Variants in CELF2 observed in about 807,000 individuals in gnomAD.
The protein encoded by CELF2 is CUGBP Elav-like family member 2, also known as CUG triplet repeat RNA-binding protein 2.
Under a neutral mutation model 62.6 loss-of-function variants are expected in CELF2, and 8 were observed. The ratio of observed to expected loss-of-function variants is 0.13; its 90% confidence interval spans 0.07 to 0.23. The LOEUF (loss-of-function observed/expected upper bound fraction) is 0.23, where lower values mean the gene tolerates loss of function less well. CELF2 is among the 10% of genes least tolerant of loss of function. The pLI, the probability that CELF2 is intolerant of heterozygous loss-of-function variation, is 1.00. For missense variants in CELF2, 333 were observed against 671.0 expected, an observed-to-expected ratio of 0.50 and a Z score of 5.56; for synonymous variants, 258 against 250.0, an observed-to-expected ratio of 1.03 and a Z score of -0.30.
At chr10:10,648,864 T>C in the CELF2 span, among the ~76,000 whole-genome samples, 1 of 152,182 alleles carries the variant, frequency 6.6e-6, no homozygotes, top group Admixed American at 6.5e-5. Flanking sequence ...TATAGCTGCA[T>C]TCCATTGGGT....
the CELF2 span, among the ~76,000 whole-genome samples, chr10:10,670,764 C>T: frequency 0.26 from 38,954 of 152,076 alleles, 5,291 homozygotes; most frequent in South Asian, 0.43. Flanking sequence ...CCCCTCTAAC[C>T]CTTGACAACC....
At chr10:10,859,872 T>C (rs2059954775) in intron 1 of CELF2, among the ~76,000 whole-genome samples, 1 of 152,190 alleles carries the variant, frequency 6.6e-6, no homozygotes, top group Non-Finnish European at 1.5e-5. Context: ...GATAAATTCC[T>C]AGCCTGGCAG....
At chr10:11,053,903 C>T (rs550285048) in intron 1 of CELF2, among the ~76,000 whole-genome samples, 34 of 152,124 alleles carry the variant, frequency 2.2e-4, no homozygotes, top group South Asian at 4.1e-4. Flanking sequence ...TGTGAGCCAC[C>T]GCACCCGGCC....
chr10:10,644,141 C>T, the CELF2 span, among the ~76,000 whole-genome samples: 1 of 152,188 alleles, frequency 6.6e-6, no homozygotes, highest in African/African-American at 2.4e-5. Flanking sequence ...TCTTTACAGA[C>T]TCATGTCTCC....
chr10:10,663,347 C>T, the CELF2 span, among the ~76,000 whole-genome samples: 1 of 152,244 alleles, frequency 6.6e-6, no homozygotes, highest in East Asian at 1.9e-4. Context: ...CAATTCCTCC[C>T]TAGTTTCCCC....
chr10:10,495,059 G>A, the CELF2 span, among the ~76,000 whole-genome samples: 1 of 152,082 alleles, frequency 6.6e-6, no homozygotes. Context: ...GGCAGATCAT[G>A]AGGTCAGGAG....
In CELF2 at chr10:11,165,726, T is replaced by C; in HGVS notation, c.271+44T>C. 1 of 1,551,734 alleles carries C rather than the reference T, an allele frequency of 6.4e-7. No individual in the cohort carries two copies. Among genetic ancestry groups the C allele is most frequent in the Non-Finnish European group, 8.7e-7 (1 of 1,146,654 alleles). ...GGGTCGCCAGGCGTCCAGGTGGGCG[T>C]CGCGGGGCACTGGGGCTGTCCGAGC... On this transcript the variant is annotated intron_variant, in intron 2 of 12. Transcript: ENST00000633077. The surrounding 1 kb of genome is among the most constrained non-coding windows in gnomAD (Gnocchi z 7.4).
At chr10:11,085,890 A>G (rs532768278) in intron 1 of CELF2, among the ~76,000 whole-genome samples, 1 of 151,944 alleles carries the variant, frequency 6.6e-6, no homozygotes, top group African/African-American at 2.4e-5. Flanking sequence ...CCAGACCTTC[A>G]CAATAATCCA....
the CELF2 span, among the ~76,000 whole-genome samples, chr10:10,517,229 G>T: frequency 0.011 from 1,729 of 152,224 alleles, 23 homozygotes; most frequent in African/African-American, 0.039. Context: ...GCTTGAGGGG[G>T]ACTCAACTTC....
At chr10:10,971,931 A>T (rs995733275) in intron 2 of CELF2, among the ~76,000 whole-genome samples, 2 of 152,056 alleles carry the variant, frequency 1.3e-5, no homozygotes, top group African/African-American at 4.8e-5. Flanking sequence ...TTTTATTGAG[A>T]TATAATTGGA....
chr10:10,694,136 C>A, the CELF2 span, among the ~76,000 whole-genome samples: 18 of 151,372 alleles, frequency 1.2e-4, no homozygotes, highest in South Asian at 3.6e-3. Flanking sequence ...CCTGCTTTCT[C>A]TTGTGGGCAT....
At position 11,244,883 on chromosome 10, in the gene CELF2, C is replaced by G. The variant is rs1478583142; in HGVS notation, c.355-4270C>G. ...CATAGCTTCATCTGAGACGCCTTCCCCAGCGTGTCCTTCCTCCATCTGTGT... is the reference window on the plus strand; with the variant it reads ...CATAGCTTCATCTGAGACGCCTTCCGCAGCGTGTCCTTCCTCCATCTGTGT... On this transcript the variant is annotated intron_variant, in intron 3 of 12. Transcript: ENST00000633077. This position sits in a 1 kb window ranked among gnomAD's most constrained non-coding sequence, Gnocchi z 4.2. Among the ~76,000 whole-genome samples, 1 of 152,114 alleles carries G rather than the reference C, an allele frequency of 6.6e-6. No individual in the cohort carries two copies. Among genetic ancestry groups the G allele is most frequent in the African/African-American group, 2.4e-5 (1 of 41,424 alleles).
chr10:10,643,747 A>G, the CELF2 span, among the ~76,000 whole-genome samples: 1 of 152,200 alleles, frequency 6.6e-6, no homozygotes, highest in Non-Finnish European at 1.5e-5. Flanking sequence ...AAACCTACCC[A>G]GCCTTCTCCT....
the CELF2 span, among the ~76,000 whole-genome samples, chr10:10,512,345 C>T: frequency 5.3e-5 from 8 of 151,154 alleles, no homozygotes; most frequent in Non-Finnish European, 1.0e-4. Context: ...ACTGCTGATG[C>T]ACATTAAACA....
intron 1 of CELF2, among the ~76,000 whole-genome samples, chr10:11,161,250 C>A (rs147859428): frequency 6.6e-6 from 1 of 152,214 alleles, no homozygotes; most frequent in Non-Finnish European, 1.5e-5. Flanking sequence ...TGCAGACTTG[C>A]GGTCTTATTC....
upstream of CELF2, chr10:11,017,796 G>GGAGCCGGGTTCGGGGCC: frequency 4.2e-6 from 1 of 238,844 alleles, no homozygotes; most frequent in Non-Finnish European, 6.8e-6. The surrounding 1 kb of genome is among the most constrained non-coding windows in gnomAD (Gnocchi z 5.5). Context: ...CCCGCGGGGC[G>GGAGCCGGGTTCGGGGCC]GAGCCGGGTT....
At chr10:11,304,590 G>T (rs889472822) in intron 9 of CELF2, among the ~76,000 whole-genome samples, 3 of 151,216 alleles carry the variant, frequency 2.0e-5, no homozygotes, top group Admixed American at 6.6e-5. Flanking sequence ...TAACATGCTT[G>T]CTCAGGACGC....
At chr10:10,484,439 C>G in the CELF2 span, among the ~76,000 whole-genome samples, 1 of 146,216 alleles carries the variant, frequency 6.8e-6, no homozygotes, top group African/African-American at 2.6e-5. Context: ...GCCTCAGCCC[C>G]CCAAGGAGCT....
At chr10:11,066,888 C>G (rs2068315548) in intron 1 of CELF2, among the ~76,000 whole-genome samples, 1 of 152,124 alleles carries the variant, frequency 6.6e-6, no homozygotes, top group Admixed American at 6.5e-5. Context: ...CCTCCCTTCC[C>G]CCTGAGACCG....
Sources: gnomAD v4.1 joint callset for allele counts (sites outside exome capture counted in the v4.1 genomes callset) on GRCh38, gnomAD v4.1.1 for gene constraint, Gnocchi (gnomAD v3.1) non-coding constraint, MANE v1.5 for transcripts, NCBI Gene and HGNC (gene_info 2026-07-23, HGNC 2026-07-21) for gene names.